NEBL: variants seen among roughly 807,000 people sequenced by gnomAD.
The protein encoded by NEBL is LIM and SH3 protein 2.
A neutral mutation model predicts 140.2 loss-of-function variants in NEBL; 122 were observed. The ratio of observed to expected loss-of-function variants is 0.87; its 90% confidence interval spans 0.75 to 1.01. NEBL has a LOEUF of 1.01. Among genes scored for constraint, NEBL ranks in the 50% least tolerant of loss-of-function variants. NEBL has a pLI of 0.00. For synonymous variants in NEBL, 436 were observed against 398.9 expected, an observed-to-expected ratio of 1.09 and a Z score of -1.11; for missense variants, 1,365 against 1,231.3, an observed-to-expected ratio of 1.11 and a Z score of -1.62.
chr10:20,942,034 A>G (rs961171557), intron 4 of NEBL, among the ~76,000 whole-genome samples: 3 of 152,254 alleles, frequency 2.0e-5, no homozygotes, highest in Non-Finnish European at 4.4e-5. Context: ...TGTAGATTCA[A>G]TGCCATCCCC....
chr10:21,283,543 C>A (rs1229170761), intron 1 of NEBL, among the ~76,000 whole-genome samples: 1 of 152,156 alleles, frequency 6.6e-6, no homozygotes, highest in Non-Finnish European at 1.5e-5. Context: ...TTCCCTATAA[C>A]TTTGGAGCCT....
chr10:21,091,229 C>T (rs1836897483), intron 2 of NEBL, among the ~76,000 whole-genome samples: 1 of 152,196 alleles, frequency 6.6e-6, no homozygotes, highest in African/African-American at 2.4e-5. Flanking sequence ...AATGTCTACA[C>T]ATGCAATTCC....
chr10:20,963,322 G>T (rs1408896034), intron 3 of NEBL, among the ~76,000 whole-genome samples: 2 of 152,060 alleles, frequency 1.3e-5, no homozygotes, highest in Admixed American at 6.6e-5. Flanking sequence ...GTAAGCACTG[G>T]AGCTCAGAGT....
intron 3 of NEBL, among the ~76,000 whole-genome samples, chr10:20,972,154 TAAAC>T (rs1836601675): frequency 6.6e-6 from 1 of 152,072 alleles, no homozygotes; most frequent in Admixed American, 6.5e-5. Flanking sequence ...CAAGCAAATA[TAAAC>T]AAAGTGAACT....
At chr10:21,222,349 C>A (rs1842082087) in intron 3 of NEBL, among the ~76,000 whole-genome samples, 1 of 150,824 alleles carries the variant, frequency 6.6e-6, no homozygotes, top group African/African-American at 2.4e-5. Context: ...ATTTTTATAT[C>A]CTAGAGAATA....
intron 5 of NEBL, among the ~76,000 whole-genome samples, chr10:20,876,540 A>T (rs1299894561): frequency 6.6e-6 from 1 of 152,076 alleles, no homozygotes; most frequent in Non-Finnish European, 1.5e-5. Flanking sequence ...TTGTTTACTG[A>T]TAAGTTTTTA....
chr10:20,909,365 T>G (rs929463488), intron 4 of NEBL, among the ~76,000 whole-genome samples: 1 of 152,108 alleles, frequency 6.6e-6, no homozygotes, highest in Admixed American at 6.6e-5. Flanking sequence ...TTCTTTTGAT[T>G]TTTAGATTCT....
intron 3 of NEBL, among the ~76,000 whole-genome samples, chr10:21,197,560 G>A (rs1384533868): frequency 6.6e-6 from 1 of 152,082 alleles, no homozygotes; most frequent in Non-Finnish European, 1.5e-5. Flanking sequence ...AGTGGGGAAG[G>A]GGAGAAACAA....
intron 1 of NEBL, among the ~76,000 whole-genome samples, chr10:21,259,133 G>C (rs76907777): frequency 6.6e-6 from 1 of 151,464 alleles, no homozygotes; most frequent in Non-Finnish European, 1.5e-5. Flanking sequence ...TGTCACCCAG[G>C]CTGGAGTGCA....
At chr10:20,967,693 G>T (rs1247636607) in intron 3 of NEBL, among the ~76,000 whole-genome samples, 1 of 151,992 alleles carries the variant, frequency 6.6e-6, no homozygotes, top group Non-Finnish European at 1.5e-5. Flanking sequence ...ACAACTTTCA[G>T]GGGAGTGGTG....
chr10:21,251,855 A>G (rs1259749260), intron 1 of NEBL, among the ~76,000 whole-genome samples: 10 of 152,170 alleles, frequency 6.6e-5, no homozygotes. Flanking sequence ...TCTATTGTTT[A>G]TATCTACCCA....
Position 20,840,747 on chromosome 10 carries a change from C to T in NEBL, c.1330G>A (p.Ala444Thr), listed in dbSNP as rs1355357172. 1.1e-5 allele frequency: 17 copies of T among 1,605,128 alleles called. No homozygotes were observed. Among genetic ancestry groups the T allele is most frequent in the Non-Finnish European group, 1.4e-5 (16 of 1,172,474 alleles). Residue 444 changes from alanine (A) to threonine (T), a missense_variant, in exon 13 of 28, where the codon GCA becomes ACA. This residue lies in a region of NEBL where 1,323 missense variants were observed against 1,154.8 expected (regional missense o/e 1.15). Coordinates refer to ENST00000377122, the MANE Select transcript of NEBL (RefSeq NM_006393.3). The stretch of plus-strand genomic sequence containing the variant: ...TAAATAAACATACTCACCTCACTTG[C>T]CATTTCAGAGGCTCGCTTTGCTCTT... ...IQRAKRASEM[A>T]SEKEYKKDLE... is the part of the protein sequence containing the mutation.
At chr10:20,898,965 T>C (rs983262377), upstream of NEBL, among the ~76,000 whole-genome samples, 1 of 152,184 alleles carries the variant, frequency 6.6e-6, no homozygotes, top group Non-Finnish European at 1.5e-5. Flanking sequence ...ATTAATGGTA[T>C]CACATATCCT....
chr10:20,981,814 C>G (rs74120586), intron 3 of NEBL, among the ~76,000 whole-genome samples: 192 of 152,280 alleles, frequency 1.3e-3, no homozygotes, highest in African/African-American at 4.5e-3. Flanking sequence ...TCACAGAAGA[C>G]ATGAATTGAG....
intron 4 of NEBL, among the ~76,000 whole-genome samples, chr10:20,947,856 C>G (rs754571192): frequency 6.6e-6 from 1 of 152,222 alleles, no homozygotes. Flanking sequence ...ACACAGAAGT[C>G]TGCAATCAGA....
At chr10:21,052,532 T>C (rs1308764588) in intron 2 of NEBL, among the ~76,000 whole-genome samples, 1 of 152,212 alleles carries the variant, frequency 6.6e-6, no homozygotes, top group Non-Finnish European at 1.5e-5. Flanking sequence ...GACTCACCCC[T>C]GCCCTTCATG....
At chr10:21,099,792 G>A (rs1192557089) in intron 2 of NEBL, among the ~76,000 whole-genome samples, 1 of 152,154 alleles carries the variant, frequency 6.6e-6, no homozygotes, top group African/African-American at 2.4e-5. Flanking sequence ...CAGATCAGTT[G>A]CAAGTGTTCA....
intron 4 of NEBL, among the ~76,000 whole-genome samples, chr10:20,908,238 A>T (rs991980445): frequency 5.9e-5 from 9 of 152,248 alleles, no homozygotes; most frequent in Non-Finnish European, 1.0e-4. Flanking sequence ...AGATCTTACT[A>T]CTTACTACTT....
intron 2 of NEBL, chr10:21,029,744 T>C: frequency 2.7e-6 from 2 of 744,026 alleles, no homozygotes; most frequent in Admixed American, 2.0e-5. Flanking sequence ...TGCCGGGATA[T>C]GGATCGATAT....
Sources: allele counts gnomAD v4.1 joint callset (sites outside exome capture counted in the v4.1 genomes callset), GRCh38; gene constraint gnomAD v4.1.1; regional missense constraint gnomAD v4.1.1; transcripts MANE v1.5; gene names NCBI Gene and HGNC (gene_info 2026-07-23, HGNC 2026-07-21).